The following GFRA2 variants were observed in gnomAD, a reference collection of about 807,000 sequenced individuals.
GFRA2 encodes GDNF family receptor alpha 2.
GFRA2 carries 17 observed loss-of-function variants against 48.3 expected under a neutral mutation model. The observed-to-expected ratio is 0.35, with a 90% CI of 0.24 to 0.53. The LOEUF (loss-of-function observed/expected upper bound fraction) is 0.53. GFRA2 is among the 20% of genes least tolerant of loss of function. GFRA2 has a pLI of 0.93. For synonymous variants in GFRA2, 305 were observed against 257.2 expected (o/e 1.19, Z -1.78); for missense variants, 660 against 637.3 (o/e 1.04, Z -0.38).
intron 4 of GFRA2, among the ~76,000 whole-genome samples, chr8:21,745,024 A>T (rs75427903): frequency 0.013 from 1,936 of 152,356 alleles, 30 homozygotes; most frequent in African/African-American, 0.045. Context: ...CCCGAGGCCC[A>T]GCAAGCAGAT....
At chr8:21,694,077 T>TTTATATATATATATA (rs1802032776) in intron 8 of GFRA2, among the ~76,000 whole-genome samples, 5 of 109,292 alleles carry the variant, frequency 4.6e-5, no homozygotes, top group Admixed American at 9.3e-5. Context: ...TTATTTATTT[T>TTTATATATATATATA]TATATATATA....
Position 21,788,240 on chromosome 8 carries a change from G to A in GFRA2, c.-81C>T, listed in dbSNP as rs1286889491. On this transcript the variant is annotated 5_prime_UTR_variant, in exon 1 of 9. Transcript: ENST00000524240. The stretch of plus-strand genomic sequence containing the variant: ...AGTAGTAACAACAACAATAATAATA[G>A]GCAAGCAGTGGTAATCAGCCCCAAA... 3 of 1,557,666 alleles carry A rather than the reference G, an allele frequency of 1.9e-6. No individual in the cohort carries two copies. Among genetic ancestry groups the A allele is most frequent in the Non-Finnish European group, 2.6e-6 (3 of 1,152,828 alleles).
intron 4 of GFRA2, among the ~76,000 whole-genome samples, chr8:21,735,365 C>T (rs1418194934): frequency 2.0e-5 from 3 of 152,018 alleles, no homozygotes; most frequent in Non-Finnish European, 4.4e-5. Flanking sequence ...GATGTGGAAA[C>T]CAAGCCCCCC....
chr8:21,747,800 A>G (rs1313909063), intron 4 of GFRA2, among the ~76,000 whole-genome samples: 1 of 145,854 alleles, frequency 6.9e-6, no homozygotes, highest in South Asian at 2.2e-4. Context: ...ACACACACAC[A>G]CGCATGCACA....
chr8:21,795,273 T>C (rs1460888247), intron 2 of GFRA2, among the ~76,000 whole-genome samples: 1 of 152,216 alleles, frequency 6.6e-6, no homozygotes, highest in Non-Finnish European at 1.5e-5. Flanking sequence ...TCCATGATCT[T>C]GAAGTCCTTA....
intron 7 of GFRA2, among the ~76,000 whole-genome samples, chr8:21,698,967 C>T (rs1201050502): frequency 6.6e-6 from 1 of 152,184 alleles, no homozygotes; most frequent in Non-Finnish European, 1.5e-5. Flanking sequence ...CCTTGGCCTC[C>T]ACTCCCAGTC....
chr8:21,772,943 T>G (rs1380911957), intron 3 of GFRA2, among the ~76,000 whole-genome samples: 1 of 152,218 alleles, frequency 6.6e-6, no homozygotes, highest in African/African-American at 2.4e-5. Context: ...CAGTGTCACC[T>G]GTGCACGCAG....
intron 1 of GFRA2, among the ~76,000 whole-genome samples, chr8:21,809,112 G>A (rs550121958): frequency 6.6e-4 from 101 of 152,258 alleles, no homozygotes; most frequent in African/African-American, 2.4e-3. Context: ...GCAGAGAGAG[G>A]CCAAGTGTCA....
At chr8:21,744,367 T>C (rs757410552) in intron 4 of GFRA2, among the ~76,000 whole-genome samples, 33 of 152,076 alleles carry the variant, frequency 2.2e-4, no homozygotes, top group Non-Finnish European at 4.1e-4. Context: ...ATACACATCC[T>C]CAGCACCCAG....
At position 21,702,919 on chromosome 8, in the gene GFRA2, G is replaced by C; in HGVS notation, c.1104C>G (p.Pro368=). The C allele has an allele frequency of 6.3e-7, 1 of 1,581,564 alleles. No individual in the cohort carries two copies. The highest frequency in any genetic ancestry group is 1.7e-4 in the Middle Eastern group (1 of 5,878). ...GAGGGGCCTGGGTGGCCTGGAACGA[G>C]GGGCCTTTTGGGGACACGTTCACGT... ...GTDVNVSPKG[P]SFQATQAPRV... The change falls in exon 7 of 9, where the codon CCC becomes CCG. Residue 368 remains proline, a synonymous_variant. Coordinates refer to ENST00000524240, the MANE Select transcript of GFRA2 (RefSeq NM_001495.5).
intron 4 of GFRA2, among the ~76,000 whole-genome samples, chr8:21,742,860 G>C (rs1804821257): frequency 6.6e-6 from 1 of 152,190 alleles, no homozygotes; most frequent in Non-Finnish European, 1.5e-5. Flanking sequence ...TCCACCTGGG[G>C]TGTGAGCCTC....
At position 21,746,942 on chromosome 8, in the gene GFRA2, A is replaced by C. The variant is rs531186317; in HGVS notation, c.794+3646T>G. Among the ~76,000 whole-genome samples the C allele has an allele frequency of 7.9e-5, 12 of 152,204 alleles. No homozygotes were observed. In the South Asian group the frequency reaches 2.5e-3, roughly 32 times the overall value. On this transcript the variant is annotated intron_variant, in intron 4 of 8. Transcript: ENST00000524240. Reference sequence around the variant, plus strand: ...TAGGAGCTGTCCACTCCATTGTCACATTATCCACCCTTCCTTAAAGCAATA... The same window carrying C: ...TAGGAGCTGTCCACTCCATTGTCACCTTATCCACCCTTCCTTAAAGCAATA...
At position 21,692,772 on chromosome 8, in the gene GFRA2, C is replaced by G. The variant is rs1394609266; in HGVS notation, c.*506G>C. 1.3e-5 allele frequency: 2 copies of G among 152,474 alleles called. No individual in the cohort carries two copies. Among genetic ancestry groups the G allele is most frequent in the African/African-American group, 4.8e-5 (2 of 41,462 alleles). 9.4% of individuals were successfully genotyped at this position (152,474 alleles called of 1,614,324 possible). On this transcript the variant is annotated 3_prime_UTR_variant, in exon 9 of 9. Coordinates refer to ENST00000524240, the MANE Select transcript of GFRA2 (RefSeq NM_001495.5). ...AGAGGGAGGGCAAAACCATCTCCAT[C>G]CTTGAAGCCAAAGGGCTGAAGGTGG... is the stretch of plus-strand genomic sequence containing the variant.
chr8:21,779,429 TG>T (rs1806866241), intron 2 of GFRA2: 1 of 152,262 alleles, frequency 6.6e-6, no homozygotes, highest in Admixed American at 6.5e-5. Context: ...CCGGCTGTTC[TG>T]GGTGACATTT....
At chr8:21,768,696 T>C (rs1412203084) in intron 3 of GFRA2, among the ~76,000 whole-genome samples, 1 of 152,084 alleles carries the variant, frequency 6.6e-6, no homozygotes, top group Non-Finnish European at 1.5e-5. Flanking sequence ...GGTGTCTTCC[T>C]GGGAACTGAC....
At chr8:21,789,977 G>C, upstream of GFRA2, 2 of 708,342 alleles carry the variant, frequency 2.8e-6, no homozygotes, top group Non-Finnish European at 3.5e-6. Context: ...TCCCGAGGCA[G>C]CTCCCGGCTC....
At chr8:21,742,555 C>A (rs1048833999) in intron 4 of GFRA2, among the ~76,000 whole-genome samples, 1 of 152,146 alleles carries the variant, frequency 6.6e-6, no homozygotes, top group Non-Finnish European at 1.5e-5. Flanking sequence ...GACTAAGATA[C>A]CAGGCAAGGA....
chr8:21,740,412 C>T (rs1431727740), intron 4 of GFRA2, among the ~76,000 whole-genome samples: 1 of 152,200 alleles, frequency 6.6e-6, no homozygotes, highest in Admixed American at 6.5e-5. Context: ...ACCAATCCAT[C>T]AAAACTTCTG....
At position 21,750,656 on chromosome 8, in the gene GFRA2, G is replaced by C. The variant is rs1805243920; in HGVS notation, c.726C>G (p.Ser242=). 6.2e-7 allele frequency: 1 copy of C among 1,613,712 alleles called. No homozygotes were observed. Among genetic ancestry groups the C allele is most frequent in the African/African-American group, 1.3e-5 (1 of 74,936 alleles). The stretch of plus-strand genomic sequence containing the variant: ...AGTTGGGCTTCTCCTTGTCCTCATA[G>C]GAGCAGCTGGGCAGGATGGTTTGCC... ...RRRQTILPSC[S]YEDKEKPNCL... The change falls in exon 4 of 9, where the codon TCC becomes TCG. Residue 242 remains serine (S), a synonymous_variant. Coordinates refer to ENST00000524240, the MANE Select transcript of GFRA2 (RefSeq NM_001495.5). The surrounding 1 kb of genome is among the most constrained non-coding windows in gnomAD (Gnocchi z 5.7).
Sources: gnomAD v4.1 joint callset for allele counts (sites outside exome capture counted in the v4.1 genomes callset) on GRCh38, gnomAD v4.1.1 for gene constraint, Gnocchi (gnomAD v3.1) non-coding constraint, MANE v1.5 for transcripts, NCBI Gene and HGNC (gene_info 2026-07-23, HGNC 2026-07-21) for gene names.